STX18: variants seen among roughly 807,000 people sequenced by gnomAD.
STX18 encodes the protein syntaxin-18.
A neutral mutation model predicts 50.1 loss-of-function variants in STX18; 40 were observed. That is an observed-to-expected ratio of 0.80 (90% confidence interval 0.62 to 1.04). The LOEUF is 1.04. Among genes scored for constraint, STX18 ranks in the 50% least tolerant of loss-of-function variants. The probability of loss-of-function intolerance (pLI) is 0.00; values close to 1 mark genes in which losing one functional copy is unlikely to be tolerated. For synonymous variants in STX18, 158 were observed against 151.8 expected (o/e 1.04, Z -0.30); for missense variants, 410 against 415.8 (o/e 0.99, Z 0.12).
chr4:4,459,062 GCACACACACACACA>G (rs60704649), intron 3 of STX18, among the ~76,000 whole-genome samples: 1 of 144,282 alleles, frequency 6.9e-6, no homozygotes, highest in Non-Finnish European at 1.5e-5. Flanking sequence ...ACACACACAC[GCACACACACACACA>G]CACACACACA....
chr4:4,490,795 T>C (rs1211036613), intron 1 of STX18, among the ~76,000 whole-genome samples: 1 of 152,176 alleles, frequency 6.6e-6, no homozygotes, highest in Non-Finnish European at 1.5e-5. Context: ...AAATCACTGT[T>C]CTTCTCTCTG....
intron 1 of STX18, among the ~76,000 whole-genome samples, chr4:4,538,102 G>GGA (rs1553853484): frequency 7.2e-6 from 1 of 138,310 alleles, no homozygotes; most frequent in African/African-American, 2.6e-5. Flanking sequence ...CCTTTTGAGT[G>GGA]AAAAAAAAAA....
At chr4:4,462,697 A>G (rs542997302) in intron 2 of STX18, among the ~76,000 whole-genome samples, 1 of 152,282 alleles carries the variant, frequency 6.6e-6, no homozygotes, top group African/African-American at 2.4e-5. Flanking sequence ...CCACCTTAAA[A>G]AAAAAAAAAA....
chr4:4,522,923 CAG>C (rs1730579284), intron 1 of STX18, among the ~76,000 whole-genome samples: 1 of 152,210 alleles, frequency 6.6e-6, no homozygotes, highest in African/African-American at 2.4e-5. Flanking sequence ...TATGTGAGTG[CAG>C]AGAGACAGAA....
intron 1 of STX18, among the ~76,000 whole-genome samples, chr4:4,538,489 T>A (rs376793101): frequency 6.6e-6 from 1 of 151,222 alleles, no homozygotes; most frequent in Admixed American, 6.6e-5. Flanking sequence ...GGAATGAAAG[T>A]GCAAGAAAAC....
At chr4:4,474,743 G>T (rs1480646849) in intron 1 of STX18, among the ~76,000 whole-genome samples, 1 of 152,180 alleles carries the variant, frequency 6.6e-6, no homozygotes, top group Non-Finnish European at 1.5e-5. Context: ...CAAAGAATGT[G>T]GGCAGCCTCT....
chr4:4,426,824 G>A (rs1481467408), intron 7 of STX18, among the ~76,000 whole-genome samples: 1 of 152,104 alleles, frequency 6.6e-6, no homozygotes, highest in South Asian at 2.1e-4. Context: ...GGCCTTGCCC[G>A]CTGACCCTAC....
chr4:4,495,526 C>A (rs1729127461), intron 1 of STX18, among the ~76,000 whole-genome samples: 1 of 150,906 alleles, frequency 6.6e-6, no homozygotes, highest in South Asian at 2.1e-4. Context: ...GTAACTGGGA[C>A]TACAGGCACG....
At chr4:4,462,875 G>A (rs929050470) in intron 2 of STX18, among the ~76,000 whole-genome samples, 4 of 152,152 alleles carry the variant, frequency 2.6e-5, no homozygotes, top group Admixed American at 6.5e-5. Context: ...CTGGGAAAGG[G>A]GAAGGCTTAG....
chr4:4,439,523 T>C (rs1177834029), intron 5 of STX18, among the ~76,000 whole-genome samples: 1 of 120,992 alleles, frequency 8.3e-6, no homozygotes, highest in Admixed American at 1.1e-4. Context: ...TACATACACA[T>C]ATACTCCCAC....
At chr4:4,454,775 G>C (rs1726978717) in intron 5 of STX18, among the ~76,000 whole-genome samples, 1 of 152,162 alleles carries the variant, frequency 6.6e-6, no homozygotes, top group African/African-American at 2.4e-5. Flanking sequence ...TGTGATGCTG[G>C]ACAGCTAACC....
At chr4:4,457,540 AT>A in intron 3 of STX18, 40 bp from the exon 4 acceptor site, 1 of 1,493,536 alleles carries the variant, frequency 6.7e-7, no homozygotes. Flanking sequence ...TTCGCACTCA[AT>A]TATCCTAAAG....
At chr4:4,515,181 A>G (rs544227825) in intron 1 of STX18, among the ~76,000 whole-genome samples, 2 of 152,264 alleles carry the variant, frequency 1.3e-5, no homozygotes, top group African/African-American at 2.4e-5. Context: ...TTTAAAAAAT[A>G]ATAATATAAT....
chr4:4,457,203 T>C lies in STX18; in HGVS notation c.485A>G (p.Asp162Gly). Residue 162 changes from aspartate (D) to glycine (G), a missense_variant, in exon 5 of 11, where the codon GAT becomes GGT. Coordinates refer to ENST00000306200, the MANE Select transcript of STX18 (RefSeq NM_016930.4). The part of the protein sequence containing the change: ...QRAIRVKRVV[D>G]KKRLSKLEPE... ...AAGCAATACTTACAATCTTTTCTTA[T>C]CCACCACTCTTTTAACTCGGATGGC... 5 of 1,613,980 alleles carry C rather than the reference T, an allele frequency of 3.1e-6. No individual in the cohort carries two copies. Among genetic ancestry groups the C allele is most frequent in the South Asian group, 1.1e-5 (1 of 91,084 alleles).
At chr4:4,428,105 T>C (rs1261951510) in intron 7 of STX18, among the ~76,000 whole-genome samples, 1 of 152,274 alleles carries the variant, frequency 6.6e-6, no homozygotes, top group Non-Finnish European at 1.5e-5. Context: ...GGTTTCAGTA[T>C]GGCTTCCAAC....
chr4:4,439,189 AC>A (rs1215013100), intron 5 of STX18, among the ~76,000 whole-genome samples: 4 of 129,616 alleles, frequency 3.1e-5, no homozygotes, highest in African/African-American at 5.9e-5. Flanking sequence ...ATACACACAT[AC>A]CCCATATATA....
intron 1 of STX18, among the ~76,000 whole-genome samples, chr4:4,541,215 G>A (rs1731574966): frequency 6.6e-6 from 1 of 152,178 alleles, no homozygotes; most frequent in South Asian, 2.1e-4. Context: ...GGAGATGAAG[G>A]GACACCTGCT....
chr4:4,532,714 A>G (rs146261488), intron 1 of STX18, among the ~76,000 whole-genome samples: 9 of 152,354 alleles, frequency 5.9e-5, no homozygotes, highest in African/African-American at 1.4e-4. Flanking sequence ...ATAGTAAGCT[A>G]TTGGCAAAGG....
At chr4:4,431,655 C>A (rs780786924) in intron 7 of STX18, among the ~76,000 whole-genome samples, 1 of 152,154 alleles carries the variant, frequency 6.6e-6, no homozygotes, top group Non-Finnish European at 1.5e-5. Flanking sequence ...GTCCCACAGG[C>A]GCCTCAAACT....
Sources: allele counts gnomAD v4.1 joint callset (sites outside exome capture counted in the v4.1 genomes callset), GRCh38; gene constraint gnomAD v4.1.1; transcripts MANE v1.5; gene names NCBI Gene and HGNC (gene_info 2026-07-23, HGNC 2026-07-21).